MYRIP: variants seen among roughly 807,000 people sequenced by gnomAD.
MYRIP encodes the protein myosin VIIA and Rab interacting protein.
A neutral mutation model predicts 98.0 loss-of-function variants in MYRIP; 49 were observed. The ratio of observed to expected loss-of-function variants is 0.50; its 90% CI spans 0.40 to 0.63. The LOEUF (loss-of-function observed/expected upper bound fraction) is 0.63. MYRIP is among the 30% of genes least tolerant of loss of function. The probability of loss-of-function intolerance (pLI) is 0.00; values close to 1 mark genes in which losing one functional copy is unlikely to be tolerated. For missense variants in MYRIP, 1,004 were observed against 1,058.2 expected (o/e 0.95, Z 0.71); for synonymous variants, 404 against 409.5 (o/e 0.99, Z 0.16).
At chr3:39,860,112 T>G (rs1942426495) in intron 1 of MYRIP, among the ~76,000 whole-genome samples, 2 of 152,308 alleles carry the variant, frequency 1.3e-5, no homozygotes, top group South Asian at 4.1e-4. Context: ...CTCTAAAGAC[T>G]CCACACACAC....
Position 40,061,012 on chromosome 3 carries a change from A to T in MYRIP, c.332+16741A>T, listed in dbSNP as rs9821403. Reference sequence around the variant, plus strand: ...ATTGATGTTGTTATTGACATATTTGATTAAAAACTTCATTATATTATGCAT... The same window carrying T: ...ATTGATGTTGTTATTGACATATTTGTTTAAAAACTTCATTATATTATGCAT... On this transcript the variant is annotated intron_variant, in intron 3 of 16. Coordinates refer to ENST00000302541, the MANE Select transcript of MYRIP (RefSeq NM_015460.4). Among the ~76,000 whole-genome samples, 1,035 of 152,310 alleles carry T rather than the reference A, an allele frequency of 6.8e-3. 16 individuals are homozygous for T. Among genetic ancestry groups the T allele is most frequent in the African/African-American group, 0.024 (986 of 41,578 alleles).
chr3:40,153,879 C>T (rs943310262), intron 4 of MYRIP, among the ~76,000 whole-genome samples: 13 of 152,112 alleles, frequency 8.5e-5, no homozygotes, highest in African/African-American at 2.7e-4. Context: ...CAGTGGCTCT[C>T]GCCTGTAATC....
At chr3:39,835,131 C>A (rs1397434280) in intron 1 of MYRIP, among the ~76,000 whole-genome samples, 1 of 152,020 alleles carries the variant, frequency 6.6e-6, no homozygotes, top group African/African-American at 2.4e-5. Context: ...TTTTATTGAT[C>A]TACTCATGTG....
chr3:39,834,016 C>T (rs549954801), intron 1 of MYRIP, among the ~76,000 whole-genome samples: 4 of 152,208 alleles, frequency 2.6e-5, no homozygotes, highest in East Asian at 1.9e-4. Flanking sequence ...GCAACAAGAG[C>T]GAAACTCTGT....
chr3:39,897,037 GCTT>G (rs1458819241), intron 1 of MYRIP, among the ~76,000 whole-genome samples: 2 of 152,024 alleles, frequency 1.3e-5, no homozygotes, highest in African/African-American at 4.8e-5. Flanking sequence ...TAACTCTGTT[GCTT>G]CTTATGATAA....
At chr3:39,932,522 A>C (rs533470511) in intron 2 of MYRIP, among the ~76,000 whole-genome samples, 65 of 152,100 alleles carry the variant, frequency 4.3e-4, no homozygotes, top group Admixed American at 4.2e-3. Flanking sequence ...CACCATGCCC[A>C]GCTAAATTTT....
intron 2 of MYRIP, among the ~76,000 whole-genome samples, chr3:40,000,298 G>A (rs114971007): frequency 1.6e-4 from 25 of 152,114 alleles, no homozygotes; most frequent in South Asian, 8.3e-4. Flanking sequence ...AAAATATCAC[G>A]CACATGAAGA....
chr3:40,031,954 A>G lies in MYRIP; in HGVS notation c.111-12096A>G, dbSNP rs1285831269. Among the ~76,000 whole-genome samples the G allele has an allele frequency of 2.6e-5, 4 of 151,730 alleles. No individual in the cohort carries two copies. In the South Asian group the frequency reaches 6.2e-4, roughly 24 times the overall value. ...CAAAAAACCAGCTCCTGGATTCATT[A>G]ATTTTTTGAAGGGTTTTTTGTGTCT... On this transcript the variant is annotated intron_variant, in intron 2 of 16. Coordinates refer to ENST00000302541, the MANE Select transcript of MYRIP (RefSeq NM_015460.4).
intron 3 of MYRIP, among the ~76,000 whole-genome samples, chr3:40,104,219 T>G (rs139257465): frequency 1.5e-4 from 23 of 152,334 alleles, no homozygotes; most frequent in Admixed American, 1.5e-3. Context: ...CTCTGGTAGT[T>G]TTAAATTTTA....
At chr3:40,064,539 G>C (rs764473127) in intron 3 of MYRIP, among the ~76,000 whole-genome samples, 3 of 152,136 alleles carry the variant, frequency 2.0e-5, no homozygotes, top group Non-Finnish European at 2.9e-5. Flanking sequence ...TTATCCAGGG[G>C]GTAATTAGGG....
chr3:39,973,136 G>T (rs7618076), intron 2 of MYRIP, among the ~76,000 whole-genome samples: 29,464 of 151,664 alleles, frequency 0.19, 5,602 homozygotes, highest in African/African-American at 0.49. Flanking sequence ...GACCCATCAG[G>T]GTGCTGTATT....
intron 2 of MYRIP, among the ~76,000 whole-genome samples, chr3:40,011,558 C>T (rs775455662): frequency 9.2e-5 from 14 of 152,242 alleles, no homozygotes; most frequent in Non-Finnish European, 1.6e-4. Flanking sequence ...TTGCTCACCA[C>T]TGTTTGCCCA....
At chr3:39,961,344 TCTTA>T (rs1945321789) in intron 2 of MYRIP, among the ~76,000 whole-genome samples, 1 of 152,150 alleles carries the variant, frequency 6.6e-6, no homozygotes, top group Non-Finnish European at 1.5e-5. Context: ...TATACTTCTG[TCTTA>T]CTTCAGAAAG....
At chr3:39,987,869 A>G (rs1946070818) in intron 2 of MYRIP, among the ~76,000 whole-genome samples, 1 of 152,218 alleles carries the variant, frequency 6.6e-6, no homozygotes. Flanking sequence ...ACGTATGTTT[A>G]TTGTGGCACT....
chr3:39,823,018 C>CTTT lies in MYRIP; in HGVS notation c.-31+13119_-31+13121dup, dbSNP rs35819968. Among the ~76,000 whole-genome samples, 29 of 123,290 alleles carry CTTT rather than the reference C, an allele frequency of 2.4e-4. 1 individual carries two copies. Among genetic ancestry groups the CTTT allele is most frequent in the Admixed American group, 4.2e-4 (5 of 12,018 alleles). 80.9% of individuals were successfully genotyped at this position (123,290 alleles called of 152,430 possible). ...AGATGGCTTTGCTTTTCTTTTCTTC[C>CTTT]TTTTTTTTTTTTTTTTTTTGAGATA... On this transcript the variant is annotated intron_variant, in intron 1 of 16. Transcript: ENST00000302541.
chr3:40,209,880 C>A lies in MYRIP; in HGVS notation c.1692C>A (p.Asp564Glu). The change falls in exon 11 of 17, where the codon GAC (aspartate) becomes GAA (glutamate). Residue 564 changes from aspartate to glutamate, a missense_variant. This residue lies in a region of MYRIP where 880 missense variants were observed against 907.7 expected (regional missense o/e 0.97). Coordinates refer to ENST00000302541, the MANE Select transcript of MYRIP (RefSeq NM_015460.4). ...HQVSDDLSETDISNEARDPQT... is the reference protein window; with the variant it reads ...HQVSDDLSETEISNEARDPQT... ...TGTCGGATGATTTATCAGAGACAGA[C>A]ATCAGCAATGAGGCTCGGGATCCCC... 1 of 1,613,968 alleles carries A rather than the reference C, an allele frequency of 6.2e-7. No individual in the cohort carries two copies. Among genetic ancestry groups the A allele is most frequent in the Non-Finnish European group, 8.5e-7 (1 of 1,179,932 alleles).
chr3:40,166,958 G>C lies in MYRIP; in HGVS notation c.648+15G>C, dbSNP rs369414497. 1.3e-6 allele frequency: 2 copies of C among 1,598,068 alleles called. No homozygotes were observed. Among genetic ancestry groups the C allele is most frequent in the Admixed American group, 1.7e-5 (1 of 59,942 alleles). On this transcript the variant is annotated intron_variant, in intron 6 of 16. Coordinates refer to ENST00000302541, the MANE Select transcript of MYRIP (RefSeq NM_015460.4). ...GGGACAGCCTGGTAGGGCCCCTCCTGCTCCTCTCTGTGGGGGGAGGTGTGG... is the reference window on the plus strand; with the variant it reads ...GGGACAGCCTGGTAGGGCCCCTCCTCCTCCTCTCTGTGGGGGGAGGTGTGG...
intron 3 of MYRIP, among the ~76,000 whole-genome samples, chr3:40,055,825 A>G (rs1338027731): frequency 1.3e-5 from 2 of 152,170 alleles, no homozygotes; most frequent in African/African-American, 4.8e-5. Context: ...TCTAGACAGC[A>G]AGGGTAAGCT....
chr3:39,911,163 A>C (rs920537968), intron 2 of MYRIP, among the ~76,000 whole-genome samples: 2 of 152,246 alleles, frequency 1.3e-5, no homozygotes, highest in African/African-American at 4.8e-5. Context: ...ACATGGCTTT[A>C]GAATGGCCCA....
Sources: allele counts gnomAD v4.1 joint callset (sites outside exome capture counted in the v4.1 genomes callset), GRCh38; gene constraint gnomAD v4.1.1; regional missense constraint gnomAD v4.1.1; transcripts MANE v1.5; gene names NCBI Gene and HGNC (gene_info 2026-07-23, HGNC 2026-07-21).